The following C12orf54 variants were observed in gnomAD, a reference collection of about 807,000 sequenced individuals.
The protein encoded by C12orf54 is uncharacterized protein C12orf54.
C12orf54 carries 24 observed loss-of-function variants against 26.4 expected under a neutral mutation model. The ratio of observed to expected loss-of-function variants is 0.91; its 90% CI spans 0.66 to 1.28. The LOEUF (loss-of-function observed/expected upper bound fraction) is 1.28. Ranked by LOEUF, C12orf54 falls within the 50% of genes most tolerant of loss-of-function variation. The probability of loss-of-function intolerance (pLI) is 0.00; values close to 1 mark genes in which losing one functional copy is unlikely to be tolerated. For synonymous variants in C12orf54, 54 were observed against 47.0 expected (o/e 1.15, Z -0.61); for missense variants, 154 against 150.9 (o/e 1.02, Z -0.11).
chr12:48,442,049 GTTC>G, the C12orf54 span: 2 of 152,430 alleles, frequency 1.3e-5, no homozygotes, highest in African/African-American at 4.8e-5. Context: ...TTTTCTCAAT[GTTC>G]TTCTCACAGC....
the C12orf54 span, among the ~76,000 whole-genome samples, chr12:48,456,912 A>C: frequency 2.0e-5 from 3 of 152,088 alleles, no homozygotes; most frequent in Non-Finnish European, 4.4e-5. Flanking sequence ...AAATCAAGGA[A>C]AGCATATTAT....
chr12:48,462,977 G>A, the C12orf54 span, among the ~76,000 whole-genome samples: 1 of 151,780 alleles, frequency 6.6e-6, no homozygotes, highest in Non-Finnish European at 1.5e-5. Flanking sequence ...TAGACAACAT[G>A]ATCATCTATG....
chr12:48,436,145 A>G, the C12orf54 span, among the ~76,000 whole-genome samples: 3 of 152,216 alleles, frequency 2.0e-5, no homozygotes, highest in Non-Finnish European at 2.9e-5. Context: ...ACCAACAAAG[A>G]TCAAAAGAGA....
the C12orf54 span, among the ~76,000 whole-genome samples, chr12:48,413,860 A>C: frequency 6.6e-6 from 1 of 152,186 alleles, no homozygotes; most frequent in African/African-American, 2.4e-5. Context: ...TTTCAGCCAA[A>C]GATCTTGGCA....
chr12:48,488,523 T>C, intron 4 of C12orf54: 1 of 383,916 alleles, frequency 2.6e-6, no homozygotes, highest in Non-Finnish European at 4.8e-6. Context: ...GTGCCGGAAC[T>C]TTTTCCAAAG....
intron 6 of C12orf54, among the ~76,000 whole-genome samples, chr12:48,492,137 C>T (rs1299950682): frequency 1.3e-5 from 2 of 152,180 alleles, no homozygotes; most frequent in Non-Finnish European, 2.9e-5. Context: ...ATTCTGACTA[C>T]TCTTGGGGTC....
At chr12:48,468,518 A>G in the C12orf54 span, among the ~76,000 whole-genome samples, 2 of 152,234 alleles carry the variant, frequency 1.3e-5, no homozygotes, top group East Asian at 3.8e-4. Context: ...TACAAGAGAC[A>G]CATTTTATGT....
chr12:48,447,926 C>T, the C12orf54 span, among the ~76,000 whole-genome samples: 1 of 152,090 alleles, frequency 6.6e-6, no homozygotes, highest in African/African-American at 2.4e-5. Flanking sequence ...GAGGAAGTGA[C>T]CTATTGTTTG....
intron 7 of C12orf54, among the ~76,000 whole-genome samples, chr12:48,493,504 C>T (rs1194079159): frequency 3.3e-5 from 5 of 151,482 alleles, no homozygotes; most frequent in African/African-American, 4.9e-5. Flanking sequence ...CCTGTAGTCC[C>T]AGCTACTCGG....
chr12:48,437,055 A>T, the C12orf54 span, among the ~76,000 whole-genome samples: 4 of 152,278 alleles, frequency 2.6e-5, no homozygotes, highest in East Asian at 7.7e-4. Flanking sequence ...GCAATAAAAA[A>T]TGACAAAGGG....
the C12orf54 span, among the ~76,000 whole-genome samples, chr12:48,458,380 G>C: frequency 1.8e-4 from 27 of 152,222 alleles, no homozygotes; most frequent in African/African-American, 6.3e-4. Context: ...AAACATACAT[G>C]GAATTTTATT....
intron 5 of C12orf54, among the ~76,000 whole-genome samples, 186 bp from the exon 6 acceptor site, chr12:48,490,626 C>T (rs934005646): frequency 4.6e-5 from 7 of 152,142 alleles, no homozygotes; most frequent in Non-Finnish European, 8.8e-5. Context: ...GCTCTCTAGC[C>T]TGAATGTCAG....
Position 48,494,915 on chromosome 12 carries a change from A to G in C12orf54, c.360A>G (p.Gln120=), listed in dbSNP as rs541882850. The G allele has an allele frequency of 3.1e-6, 5 of 1,613,358 alleles. No individual in the cohort carries two copies. Among genetic ancestry groups the G allele is most frequent in the East Asian group, 4.5e-5 (2 of 44,888 alleles). ...ACCTGAAGACACAGCTCTTCAGTCA[A>G]TCAGCTTACTACCCTGGACCCTAAC... ...IHNLKTQLFS[Q]SAYYPGP The change falls in exon 8 of 9, where the codon CAA becomes CAG. Residue 120 remains glutamine (Q), a synonymous_variant. Coordinates refer to ENST00000548364, the MANE Select transcript of C12orf54 (RefSeq NM_152319.4).
the C12orf54 span, among the ~76,000 whole-genome samples, chr12:48,430,836 A>C: frequency 1.3e-5 from 2 of 152,226 alleles, no homozygotes; most frequent in East Asian, 1.9e-4. Context: ...CACAAAAAAG[A>C]TACTTGCACA....
chr12:48,486,631 T>A (rs1954269974), intron 3 of C12orf54, 57 bp from the exon 4 acceptor site: 5 of 1,537,654 alleles, frequency 3.3e-6, no homozygotes, highest in Middle Eastern at 3.4e-4. Context: ...AATGTGTCAC[T>A]TCAGATTCTG....
the C12orf54 span, among the ~76,000 whole-genome samples, chr12:48,428,681 A>G: frequency 1.3e-5 from 2 of 152,084 alleles, no homozygotes; most frequent in African/African-American, 4.8e-5. Flanking sequence ...CAATTTAAAA[A>G]TTACCAACGA....
intron 6 of C12orf54, among the ~76,000 whole-genome samples, chr12:48,492,180 G>A (rs1223399099): frequency 1.3e-5 from 2 of 152,084 alleles, no homozygotes; most frequent in Non-Finnish European, 1.5e-5. Context: ...TTTCAGCCCC[G>A]CAGCAAAACG....
At chr12:48,464,330 C>A in the C12orf54 span, among the ~76,000 whole-genome samples, 1 of 151,956 alleles carries the variant, frequency 6.6e-6, no homozygotes, top group East Asian at 1.9e-4. Flanking sequence ...ACAATTGCCA[C>A]AAAAAGAATG....
At chr12:48,430,515 G>C in the C12orf54 span, among the ~76,000 whole-genome samples, 1 of 152,058 alleles carries the variant, frequency 6.6e-6, no homozygotes, top group African/African-American at 2.4e-5. Flanking sequence ...ATTCTCAAAA[G>C]AAGATATACA....
Sources: gnomAD v4.1 joint callset for allele counts (sites outside exome capture counted in the v4.1 genomes callset) on GRCh38, gnomAD v4.1.1 for gene constraint, MANE v1.5 for transcripts, NCBI Gene and HGNC (gene_info 2026-07-23, HGNC 2026-07-21) for gene names.